PCDHAC2: variants seen among roughly 807,000 people sequenced by gnomAD.
The protein encoded by PCDHAC2 is protocadherin alpha-C2.
Under a neutral mutation model 63.3 loss-of-function variants are expected in PCDHAC2, and 24 were observed. That is an observed-to-expected ratio of 0.38 (90% CI 0.27 to 0.53). The LOEUF (loss-of-function observed/expected upper bound fraction) is 0.53, where lower values mean the gene tolerates loss of function less well. Ranked by LOEUF, PCDHAC2 falls within the 20% of genes least tolerant of loss-of-function variation. The pLI is 0.81. For synonymous variants in PCDHAC2, 569 were observed against 529.4 expected (o/e 1.07, Z -1.03); for missense variants, 1,181 against 1,275.2 (o/e 0.93, Z 1.12).
rs1554229706 is a variant in PCDHAC2, at chr5:140,967,591, G to A, written c.825G>A (p.Leu275=). The A allele has an allele frequency of 6.2e-7, 1 of 1,614,154 alleles. No individual in the cohort carries two copies. The highest frequency in any genetic ancestry group is 2.2e-5 in the East Asian group (1 of 44,870). Residue 275 remains leucine (L), a synonymous_variant, in exon 1 of 4, where the codon TTG becomes TTA. Coordinates refer to ENST00000289269, the MANE Select transcript of PCDHAC2 (RefSeq NM_018899.6). ...QLREDSPPGT[L]VVKLNASDPD... ...GGGAGGACTCACCCCCAGGCACATT[G>A]GTGGTGAAGCTGAATGCCTCAGACC... is the stretch of plus-strand genomic sequence containing the variant.
At position 140,998,569 on chromosome 5, in the gene PCDHAC2, G is replaced by GTTT. The variant is rs71574497; in HGVS notation, c.2714-11048_2714-11046dup. ...TTAATGTCTAATTTATTGTAAATAA[G>GTTT]TTTTTTTTTTTTGAGACAGAGTTTT... On this transcript the variant is annotated intron_variant, in intron 3 of 3. Transcript: ENST00000289269. Among the ~76,000 whole-genome samples, 105 of 149,398 alleles carry GTTT rather than the reference G, an allele frequency of 7.0e-4. 1 individual carries two copies. Among genetic ancestry groups the GTTT allele is most frequent in the Middle Eastern group, 3.4e-3 (1 of 292 alleles).
intron 1 of PCDHAC2, among the ~76,000 whole-genome samples, chr5:140,969,715 A>G (rs1312398688): frequency 6.6e-6 from 1 of 152,082 alleles, no homozygotes; most frequent in Non-Finnish European, 1.5e-5. Context: ...CTACAGGGAA[A>G]TTTTTCTTTT....
chr5:141,000,080 G>T (rs1554257118), intron 3 of PCDHAC2, among the ~76,000 whole-genome samples: 1 of 152,068 alleles, frequency 6.6e-6, no homozygotes, highest in Non-Finnish European at 1.5e-5. Context: ...ACAATGCTAG[G>T]CCTGTGAATG....
intron 3 of PCDHAC2, among the ~76,000 whole-genome samples, chr5:140,984,467 T>G (rs1358469857): frequency 4.6e-5 from 7 of 152,220 alleles, no homozygotes; most frequent in African/African-American, 1.7e-4. Context: ...CCAGCCCCTC[T>G]TGTATAACCC....
chr5:141,006,507 C>T (rs2098276539), intron 3 of PCDHAC2, among the ~76,000 whole-genome samples: 1 of 152,156 alleles, frequency 6.6e-6, no homozygotes, highest in Admixed American at 6.5e-5. Flanking sequence ...GCCACCGCGC[C>T]TGGCTGTTAT....
rs781900904 is a variant in PCDHAC2 at position 140,967,464 on chromosome 5, G to T, written c.698G>T (p.Gly233Val). Residue 233 changes from glycine to valine, a missense_variant, in exon 1 of 4, where the codon GGC becomes GTC. Gly to Val is a moderately radical substitution (Grantham distance 109, BLOSUM62 -3). This residue lies in a region of PCDHAC2 where 968 missense variants were observed against 1,073.5 expected (regional missense o/e 0.90). Transcript: ENST00000289269. Reference sequence around the variant, plus strand: ...CTGGTTCTCACAGCCGTGGATGGGGGCATCCCAGCCCGCTCGGGTACGGCA... The same window carrying T: ...CTGGTTCTCACAGCCGTGGATGGGGTCATCCCAGCCCGCTCGGGTACGGCA... Reference protein sequence around the residue: ...HHLVLTAVDGGIPARSGTAQI... With the variant: ...HHLVLTAVDGVIPARSGTAQI... The T allele has an allele frequency of 6.2e-7, 1 of 1,613,504 alleles. No homozygotes were observed. Among genetic ancestry groups the T allele is most frequent in the Non-Finnish European group, 8.5e-7 (1 of 1,179,812 alleles).
At chr5:141,006,950 T>G (rs1169196116) in intron 3 of PCDHAC2, among the ~76,000 whole-genome samples, 1 of 152,148 alleles carries the variant, frequency 6.6e-6, no homozygotes, top group African/African-American at 2.4e-5. Flanking sequence ...AGATAGGCAG[T>G]TATACATGAG....
chr5:141,003,623 G>C (rs572368614), intron 3 of PCDHAC2, among the ~76,000 whole-genome samples: 1 of 152,240 alleles, frequency 6.6e-6, no homozygotes, highest in East Asian at 1.9e-4. Flanking sequence ...CCAGAGGGCA[G>C]TTTTTAAAGT....
At chr5:141,000,421 ATTT>A (rs34755515) in intron 3 of PCDHAC2, among the ~76,000 whole-genome samples, 361 of 27,888 alleles carry the variant, frequency 0.013, no homozygotes, top group East Asian at 0.018. Context: ...ATATATATAT[ATTT>A]TTTTTTTTTT....
intron 3 of PCDHAC2, among the ~76,000 whole-genome samples, chr5:140,993,305 G>C (rs1405035028): frequency 6.6e-6 from 1 of 151,998 alleles, no homozygotes; most frequent in African/African-American, 2.4e-5. Flanking sequence ...CTTGCCTCCA[G>C]GATAATACCT....
intron 3 of PCDHAC2, among the ~76,000 whole-genome samples, chr5:140,990,782 C>T (rs1460964532): frequency 2.0e-5 from 3 of 152,120 alleles, no homozygotes; most frequent in Non-Finnish European, 1.5e-5. Context: ...CTGTGTTGGA[C>T]GATGAACCAT....
rs1301631971 is a variant in PCDHAC2, at chr5:141,011,367, C to G, written c.*1430C>G. ...CAATCTCCCATATGTATGCTGTATG[C>G]TATGCTAAGACTCCTGAAATATACT... On this transcript the variant is annotated 3_prime_UTR_variant, in exon 4 of 4. Transcript: ENST00000289269. The G allele has an allele frequency of 1.3e-5, 2 of 153,830 alleles. No homozygotes were observed. The highest frequency in any genetic ancestry group is 1.3e-4 in the Admixed American group (2 of 15,298). 9.5% of individuals were successfully genotyped at this position (153,830 alleles called of 1,614,324 possible). A position where few individuals can be genotyped will look rare whatever the true frequency, so the allele number is the denominator to read the frequency against.
intron 3 of PCDHAC2, among the ~76,000 whole-genome samples, chr5:141,000,395 C>CTATA (rs1190667031): frequency 1.7e-4 from 9 of 53,980 alleles, no homozygotes; most frequent in Admixed American, 6.3e-4. Flanking sequence ...CTCTCTCTCT[C>CTATA]TATATATATA....
intron 3 of PCDHAC2, among the ~76,000 whole-genome samples, chr5:140,991,069 G>T (rs1156985445): frequency 6.6e-6 from 1 of 152,136 alleles, no homozygotes; most frequent in Non-Finnish European, 1.5e-5. Flanking sequence ...TTATTCCCAT[G>T]TTTCAGATAA....
rs781970935 is a variant in PCDHAC2 at position 140,982,505 on chromosome 5, A to G, written c.2655A>G (p.Leu885=). The change falls in exon 3 of 4, where the codon CTA becomes CTG. Residue 885 remains leucine (L), a synonymous_variant. Coordinates refer to ENST00000289269, the MANE Select transcript of PCDHAC2 (RefSeq NM_018899.6). ...TGCACCTAGAGGAGGCTGGCATTCT[A>G]CGGGCTGGTCCAGGAGGGCCTGATC... ...SSVHLEEAGI[L]RAGPGGPDQQ... The G allele has an allele frequency of 1.2e-6, 2 of 1,614,220 alleles. No homozygotes were observed. The highest frequency in any genetic ancestry group is 8.5e-7 in the Non-Finnish European group (1 of 1,180,032).
At chr5:140,993,571 G>A (rs1298531948) in intron 3 of PCDHAC2, among the ~76,000 whole-genome samples, 1 of 151,484 alleles carries the variant, frequency 6.6e-6, no homozygotes, top group Non-Finnish European at 1.5e-5. Flanking sequence ...TCCTTTCTAG[G>A]GATGCTTTTC....
At position 140,968,680 on chromosome 5, in the gene PCDHAC2, C is replaced by T. The variant is rs546565550; in HGVS notation, c.1914C>T (p.His638=). 10 of 1,614,154 alleles carry T rather than the reference C, an allele frequency of 6.2e-6. No homozygotes were observed. The South Asian group carries it at 6.6e-5, about 11-fold the overall frequency. ...SDLDLFKVEL[H]TGEIRTTRKM... ...TGGACCTCTTTAAGGTAGAGCTGCA[C>T]ACAGGAGAAATTAGGACTACCAGGA... The change falls in exon 1 of 4, where the codon CAC becomes CAT. Residue 638 remains histidine (H), a synonymous_variant. Coordinates refer to ENST00000289269, the MANE Select transcript of PCDHAC2 (RefSeq NM_018899.6).
In PCDHAC2 at chr5:140,967,411, A is replaced by T. The variant is rs142102675; in HGVS notation, c.645A>T (p.Leu215=). The T allele has an allele frequency of 4.6e-5, 74 of 1,613,220 alleles. No individual in the cohort carries two copies. The African/African-American group carries it at 9.5e-4, about 21-fold the overall frequency. The change falls in exon 1 of 4, where the codon CTA becomes CTT. Residue 215 remains leucine (L), a synonymous_variant. Coordinates refer to ENST00000289269, the MANE Select transcript of PCDHAC2 (RefSeq NM_018899.6). The stretch of plus-strand genomic sequence containing the variant: ...TTGAGCTGGTGCTGCGTAAGGGCCT[A>T]GACCGGGAGCAGGCAGCCTTGCACC... ...KVLELVLRKG[L]DREQAALHHL...
At chr5:140,987,269 G>A (rs1442679377) in intron 3 of PCDHAC2, among the ~76,000 whole-genome samples, 8 of 151,806 alleles carry the variant, frequency 5.3e-5, no homozygotes, top group African/African-American at 9.7e-5. Flanking sequence ...AATGGGACCC[G>A]GCAGTCTATG....
Sources: gnomAD v4.1 joint callset for allele counts (sites outside exome capture counted in the v4.1 genomes callset) on GRCh38, gnomAD v4.1.1 for gene constraint, gnomAD v4.1.1 regional missense constraint, MANE v1.5 for transcripts, NCBI Gene and HGNC (gene_info 2026-07-23, HGNC 2026-07-21) for gene names.